SLIT3: variants seen among roughly 807,000 people sequenced by gnomAD.
SLIT3 encodes the protein slit guidance ligand 3.
In SLIT3, 68 loss-of-function variants were observed where a neutral mutation model predicts 184.0. The observed-to-expected ratio is 0.37, with a 90% CI of 0.30 to 0.45. SLIT3 has a LOEUF of 0.45. Ranked by LOEUF, SLIT3 falls within the 20% of genes least tolerant of loss-of-function variation. SLIT3 has a pLI of 1.00. For missense variants in SLIT3, 1,707 were observed against 2,026.0 expected (o/e 0.84, Z 3.02); for synonymous variants, 831 against 828.6 (o/e 1.00, Z -0.05).
intron 4 of SLIT3, among the ~76,000 whole-genome samples, chr5:169,065,420 T>C (rs1441649392): frequency 6.6e-6 from 1 of 152,204 alleles, no homozygotes; most frequent in Non-Finnish European, 1.5e-5. Context: ...TCAAAGTCCT[T>C]GTAAATCCAT....
intron 27 of SLIT3, among the ~76,000 whole-genome samples, chr5:168,698,998 C>G (rs1011574199): frequency 5.9e-5 from 9 of 152,270 alleles, no homozygotes; most frequent in Admixed American, 1.3e-4. Context: ...CTCATCTGAC[C>G]CCCCCAATCC....
chr5:169,091,340 C>G (rs1647331872), intron 4 of SLIT3, among the ~76,000 whole-genome samples: 2 of 152,200 alleles, frequency 1.3e-5, no homozygotes, highest in South Asian at 4.1e-4. Context: ...TGCAGTGTTT[C>G]CAACGGCATG....
chr5:168,745,300 G>A (rs1286532953), intron 20 of SLIT3, among the ~76,000 whole-genome samples: 1 of 152,230 alleles, frequency 6.6e-6, no homozygotes, highest in Non-Finnish European at 1.5e-5. Context: ...TCTTGAAATG[G>A]AATCTACTTT....
intron 4 of SLIT3, among the ~76,000 whole-genome samples, chr5:169,071,108 G>A (rs1758529744): frequency 6.6e-6 from 1 of 152,160 alleles, no homozygotes; most frequent in Non-Finnish European, 1.5e-5. Context: ...ACATAATTAA[G>A]AGGCTATATG....
In SLIT3 at chr5:168,842,459, C is replaced by T. The variant is rs929303124; in HGVS notation, c.557+2125G>A. Among the ~76,000 whole-genome samples the T allele has an allele frequency of 1.7e-5, 2 of 116,322 alleles. 1 individual carries two copies. Among genetic ancestry groups the T allele is most frequent in the East Asian group, 4.9e-4 (2 of 4,062 alleles). The allele number at this position is 116,322 out of a possible 152,430, so 76.3% of individuals were successfully genotyped here. A position where few individuals can be genotyped will look rare whatever the true frequency, so the allele number is the denominator to read the frequency against. On this transcript the variant is annotated intron_variant, in intron 6 of 35. Coordinates refer to ENST00000519560, the MANE Select transcript of SLIT3 (RefSeq NM_003062.4). ...TGGAGACACCTGGTGCATCTGGATA[C>T]CGTTTTTTCGTTTTTTTTTTTTTTT...
intron 9 of SLIT3, 127 bp downstream of exon 9, chr5:168,806,319 T>C (rs1250082528): frequency 2.0e-6 from 2 of 991,054 alleles, no homozygotes; most frequent in African/African-American, 3.2e-5. Context: ...AGCAAAGAGA[T>C]TCCTGAGTGT....
intron 1 of SLIT3, 136 bp from the exon 2 acceptor site, chr5:169,251,595 C>CTAACCTTAAG (rs1561767751): frequency 1.5e-6 from 1 of 669,104 alleles, no homozygotes; most frequent in African/African-American, 1.7e-5. Flanking sequence ...ATCCCTTGAG[C>CTAACCTTAAG]GTGCCCGGCT....
chr5:169,145,466 T>C (rs1761896481), intron 4 of SLIT3, among the ~76,000 whole-genome samples: 1 of 152,086 alleles, frequency 6.6e-6, no homozygotes, highest in Admixed American at 6.5e-5. Flanking sequence ...TTAATGAGGC[T>C]CTCCATGTAA....
At chr5:168,838,505 C>T (rs145869944) in intron 6 of SLIT3, among the ~76,000 whole-genome samples, 5 of 152,238 alleles carry the variant, frequency 3.3e-5, no homozygotes, top group Non-Finnish European at 5.9e-5. Context: ...TATATATTAT[C>T]GTTACGTCAT....
intron 6 of SLIT3, among the ~76,000 whole-genome samples, chr5:168,829,235 G>A (rs4282339): frequency 0.19 from 28,372 of 152,234 alleles, 2,856 homozygotes; most frequent in South Asian, 0.31. Flanking sequence ...CCTGGCTCTG[G>A]TTGTAATCTG....
chr5:168,868,429 T>C (rs1235364291), intron 5 of SLIT3, among the ~76,000 whole-genome samples: 1 of 152,158 alleles, frequency 6.6e-6, no homozygotes, highest in Non-Finnish European at 1.5e-5. Flanking sequence ...CAGCTGGAAC[T>C]ATAGGTTCAT....
intron 4 of SLIT3, among the ~76,000 whole-genome samples, chr5:169,180,421 G>A (rs536900150): frequency 6.6e-6 from 1 of 152,296 alleles, no homozygotes; most frequent in South Asian, 2.1e-4. Flanking sequence ...GAGGAGATCT[G>A]ATTTCCCTTA....
intron 3 of SLIT3, among the ~76,000 whole-genome samples, chr5:169,230,180 A>C (rs1395160754): frequency 6.6e-6 from 1 of 152,220 alleles, no homozygotes; most frequent in Admixed American, 6.5e-5. Flanking sequence ...GTCTCTCTTT[A>C]AAAGGTAACT....
intron 6 of SLIT3, among the ~76,000 whole-genome samples, chr5:168,839,300 C>A (rs1758160076): frequency 6.6e-6 from 1 of 152,120 alleles, no homozygotes; most frequent in Admixed American, 6.5e-5. Context: ...ACTGTGCTGG[C>A]CACACAGCGT....
chr5:168,725,865 T>A (rs1476170617), intron 20 of SLIT3, among the ~76,000 whole-genome samples: 1 of 152,220 alleles, frequency 6.6e-6, no homozygotes, highest in East Asian at 1.9e-4. Flanking sequence ...GGTCAAGGTG[T>A]CAATGACTGA....
intron 1 of SLIT3, among the ~76,000 whole-genome samples, chr5:169,268,871 C>T (rs990310183): frequency 6.6e-6 from 1 of 152,186 alleles, no homozygotes; most frequent in Admixed American, 6.5e-5. Context: ...CATGTCATAT[C>T]AGGCACTGTT....
intron 4 of SLIT3, among the ~76,000 whole-genome samples, chr5:169,144,654 T>C (rs796682302): frequency 1.6e-4 from 25 of 152,342 alleles, no homozygotes; most frequent in African/African-American, 5.8e-4. Flanking sequence ...TCTGGTCTCT[T>C]TGGGAAGCCA....
At chr5:169,285,120 T>C (rs920883720) in intron 1 of SLIT3, among the ~76,000 whole-genome samples, 4 of 152,096 alleles carry the variant, frequency 2.6e-5, no homozygotes, top group Non-Finnish European at 5.9e-5. Flanking sequence ...TCTCACTATG[T>C]AGCTCAGGTA....
chr5:168,812,407 T>C (rs1757188828), intron 8 of SLIT3, among the ~76,000 whole-genome samples: 1 of 152,248 alleles, frequency 6.6e-6, no homozygotes, highest in African/African-American at 2.4e-5. Flanking sequence ...AATCCTCTGA[T>C]TTGATTTTTA....
Sources: allele counts gnomAD v4.1 joint callset (sites outside exome capture counted in the v4.1 genomes callset), GRCh38; gene constraint gnomAD v4.1.1; transcripts MANE v1.5; gene names NCBI Gene and HGNC (gene_info 2026-07-23, HGNC 2026-07-21).